The following ABCA6 variants were observed in gnomAD, a reference collection of about 807,000 sequenced individuals.
ABCA6 encodes ATP binding cassette subfamily A member 6.
In ABCA6, 164 loss-of-function variants were observed where a neutral mutation model predicts 191.2. The ratio of observed to expected loss-of-function variants is 0.86; its 90% confidence interval spans 0.76 to 0.98. ABCA6 has a LOEUF of 0.98. Ranked by LOEUF, ABCA6 falls within the 50% of genes least tolerant of loss-of-function variation. The pLI is 0.00. For missense variants in ABCA6, 1,958 were observed against 1,894.1 expected, an observed-to-expected ratio of 1.03 and a Z score of -0.63; for synonymous variants, 636 against 647.7, an observed-to-expected ratio of 0.98 and a Z score of 0.27.
rs562297065 is a variant in ABCA6 at position 69,139,474 on chromosome 17, T to C, written c.96+1134A>G. On this transcript the variant is annotated intron_variant, in intron 2 of 38. Coordinates refer to ENST00000284425, the MANE Select transcript of ABCA6 (RefSeq NM_080284.3). ...AGGCGCTGGAGAGGATGTGGAGAAA[T>C]AGGAACACTTTTACACTGTTGGTGG... Among the ~76,000 whole-genome samples the C allele has an allele frequency of 3.8e-3, 571 of 152,162 alleles. 1 individual carries two copies. The highest frequency in any genetic ancestry group is 6.6e-3 in the Non-Finnish European group (451 of 67,992).
chr17:69,082,707 G>T (rs1027955663), intron 36 of ABCA6, among the ~76,000 whole-genome samples, 166 bp downstream of exon 36: 8 of 152,072 alleles, frequency 5.3e-5, no homozygotes, highest in African/African-American at 1.9e-4. Context: ...ACAGCTTCCT[G>T]GGTAGGTCTC....
chr17:69,090,331 TC>T (rs1176365668), intron 26 of ABCA6, among the ~76,000 whole-genome samples: 2 of 152,328 alleles, frequency 1.3e-5, no homozygotes, highest in East Asian at 3.9e-4. Context: ...CCTGGCCTCA[TC>T]GTATACTTTT....
At chr17:69,079,621 T>A (rs903439128) in intron 37 of ABCA6, among the ~76,000 whole-genome samples, 8 of 152,198 alleles carry the variant, frequency 5.3e-5, no homozygotes, top group Non-Finnish European at 1.2e-4. Context: ...AAAACTCCCT[T>A]CAGCCAGTTC....
chr17:69,079,165 A>G lies in ABCA6; in HGVS notation c.4752+45T>C, dbSNP rs765765574. The G allele has an allele frequency of 2.5e-6, 4 of 1,591,004 alleles. No individual in the cohort carries two copies. In the East Asian group the frequency reaches 9.0e-5, roughly 36 times the overall value. On this transcript the variant is annotated intron_variant, in intron 38 of 38. Coordinates refer to ENST00000284425, the MANE Select transcript of ABCA6 (RefSeq NM_080284.3). The stretch of plus-strand genomic sequence containing the variant: ...GAACAGGAAAATGCATGTTGCTTTC[A>G]TGTGAAATTTACCAGATGATACAAA...
intron 20 of ABCA6, 85 bp downstream of exon 20, chr17:69,105,377 T>G: frequency 7.6e-7 from 1 of 1,311,666 alleles, no homozygotes. Context: ...TCTTCTCTTA[T>G]GATTCACTTC....
chr17:69,082,384 C>T (rs145916973), intron 36 of ABCA6, among the ~76,000 whole-genome samples: 187 of 152,028 alleles, frequency 1.2e-3, no homozygotes, highest in African/African-American at 4.4e-3. Context: ...CATGCACACA[C>T]ACATACACAC....
chr17:69,139,559 A>C (rs1404098374), intron 2 of ABCA6, among the ~76,000 whole-genome samples: 1 of 152,128 alleles, frequency 6.6e-6, no homozygotes, highest in African/African-American at 2.4e-5. Flanking sequence ...GGGATCTAGA[A>C]CTAGAAATAC....
intron 7 of ABCA6, 81 bp downstream of exon 7, chr17:69,129,529 G>C: frequency 8.2e-7 from 1 of 1,220,900 alleles, no homozygotes; most frequent in Non-Finnish European, 1.1e-6. Context: ...AGTGATTGCA[G>C]TAACCTACTA....
intron 6 of ABCA6, among the ~76,000 whole-genome samples, chr17:69,130,460 A>C (rs1419073217): frequency 1.3e-5 from 2 of 152,160 alleles, no homozygotes; most frequent in Non-Finnish European, 2.9e-5. Context: ...AAACAGTATC[A>C]ATAATATCAT....
intron 37 of ABCA6, among the ~76,000 whole-genome samples, chr17:69,079,680 T>C (rs1374958248): frequency 6.6e-6 from 1 of 152,208 alleles, no homozygotes; most frequent in African/African-American, 2.4e-5. Context: ...AAAGTCTGCA[T>C]GACAGTTGTC....
chr17:69,091,764 C>T (rs545404656), intron 25 of ABCA6, among the ~76,000 whole-genome samples: 2 of 19,584 alleles, frequency 1.0e-4, no homozygotes, highest in East Asian at 7.6e-4. Flanking sequence ...CCTCGTGATC[C>T]GCCCGCCTCG....
chr17:69,125,497 A>C (rs1221635129), intron 8 of ABCA6, among the ~76,000 whole-genome samples: 1 of 152,090 alleles, frequency 6.6e-6, no homozygotes, highest in Non-Finnish European at 1.5e-5. Flanking sequence ...CACTGTCCTA[A>C]GTGTTTTGTA....
At chr17:69,116,120 A>T (rs941098102) in intron 11 of ABCA6, among the ~76,000 whole-genome samples, 5 of 152,080 alleles carry the variant, frequency 3.3e-5, no homozygotes, top group African/African-American at 4.8e-5. Context: ...GGATTTACAG[A>T]TGTGAGCCAC....
At position 69,106,037 on chromosome 17, in the gene ABCA6, A is replaced by G. The variant is rs946892091; in HGVS notation, c.2564T>C (p.Leu855Ser). 1.2e-6 allele frequency: 2 copies of G among 1,610,990 alleles called. No homozygotes were observed. The highest frequency in any genetic ancestry group is 2.7e-5 in the African/African-American group (2 of 74,774). ...FLKLKRQTKV[L>S]LTLLLVFGIA... ...GTACTCTCCTACTCACAGGGTCAAT[A>G]ACACTTTAGTTTGACGTTTTAACTT... is the stretch of plus-strand genomic sequence containing the variant. Residue 855 changes from leucine to serine, a missense_variant, in exon 19 of 39, where the codon TTA becomes TCA. Coordinates refer to ENST00000284425, the MANE Select transcript of ABCA6 (RefSeq NM_080284.3).
chr17:69,092,917 A>G (rs567353089), intron 25 of ABCA6, among the ~76,000 whole-genome samples: 1 of 152,372 alleles, frequency 6.6e-6, no homozygotes, highest in Non-Finnish European at 1.5e-5. Context: ...GAAATAAATT[A>G]TAAGTTATTT....
In ABCA6 at chr17:69,079,157, T is replaced by C. The variant is rs1360855211; in HGVS notation, c.4752+53A>G. 4.4e-6 allele frequency: 7 copies of C among 1,584,668 alleles called. No individual in the cohort carries two copies. The East Asian group carries it at 6.7e-5, about 15-fold the overall frequency. ...TTCCAAATGAACAGGAAAATGCATG[T>C]TGCTTTCATGTGAAATTTACCAGAT... is the stretch of plus-strand genomic sequence containing the variant. On this transcript the variant is annotated intron_variant, in intron 38 of 38. Coordinates refer to ENST00000284425, the MANE Select transcript of ABCA6 (RefSeq NM_080284.3).
At chr17:69,122,332 C>A (rs151173729) in intron 10 of ABCA6, among the ~76,000 whole-genome samples, 1 of 152,060 alleles carries the variant, frequency 6.6e-6, no homozygotes, top group East Asian at 1.9e-4. Flanking sequence ...GATCCATTAA[C>A]TTTGTACCAA....
rs751212044 is a variant in ABCA6 at position 69,091,178 on chromosome 17, A to G, written c.3493T>C (p.Tyr1165His). The G allele has an allele frequency of 1.2e-6, 2 of 1,611,838 alleles. No individual in the cohort carries two copies. Among genetic ancestry groups the G allele is most frequent in the Non-Finnish European group, 1.7e-6 (2 of 1,179,294 alleles). The change falls in exon 26 of 39, where the codon TAT becomes CAT. Residue 1165 changes from tyrosine to histidine, a missense_variant. Transcript: ENST00000284425. ...AAAGTTTTAAATCCAAGCAAGGTAT[A>G]TGAAGGAACCAATACCATGGTGGTA... The part of the protein sequence containing the change: ...LITTMVLVPS[Y>H]TLLGFKTFLE...
At chr17:69,129,213 T>A (rs561059296) in intron 7 of ABCA6, among the ~76,000 whole-genome samples, 29 of 152,114 alleles carry the variant, frequency 1.9e-4, no homozygotes, top group African/African-American at 6.0e-4. Flanking sequence ...AAACGAGAAG[T>A]AAGTATGAGA....
Sources: gnomAD v4.1 joint callset for allele counts (sites outside exome capture counted in the v4.1 genomes callset) on GRCh38, gnomAD v4.1.1 for gene constraint, MANE v1.5 for transcripts, NCBI Gene and HGNC (gene_info 2026-07-23, HGNC 2026-07-21) for gene names.